Variants in KCNN2 observed in about 807,000 individuals in gnomAD.
KCNN2 encodes the protein potassium calcium-activated channel subfamily N member 2, also known as small conductance calcium-activated potassium channel protein 2.
KCNN2 carries 24 observed loss-of-function variants against 55.5 expected under a neutral mutation model. That is an observed-to-expected ratio of 0.43 (90% CI 0.31 to 0.61). KCNN2 has a LOEUF of 0.61. Among genes scored for constraint, KCNN2 ranks in the 20% least tolerant of loss-of-function variants. The pLI, the probability that KCNN2 is intolerant of heterozygous loss-of-function variation, is 0.08. For synonymous variants in KCNN2, 431 were observed against 336.1 expected (o/e 1.28, Z -3.09); for missense variants, 754 against 853.6 (o/e 0.88, Z 1.45).
chr5:114,130,154 G>C (rs542922397), intron 1 of KCNN2, among the ~76,000 whole-genome samples: 3 of 152,294 alleles, frequency 2.0e-5, no homozygotes, highest in Non-Finnish European at 4.4e-5. Context: ...TTCTGGCATA[G>C]AGTTTAATAA....
chr5:114,422,991 A>G (rs548925463), intron 3 of KCNN2, among the ~76,000 whole-genome samples: 1 of 152,264 alleles, frequency 6.6e-6, no homozygotes, highest in Non-Finnish European at 1.5e-5. Flanking sequence ...GTTAAAACAT[A>G]GAAGTATCCA....
chr5:114,462,723 C>T (rs1313934090), intron 3 of KCNN2, among the ~76,000 whole-genome samples: 1 of 152,198 alleles, frequency 6.6e-6, no homozygotes, highest in African/African-American at 2.4e-5. Context: ...AAGTCTGGCA[C>T]ATCAGCTAGG....
At position 114,334,260 on chromosome 5, in the gene KCNN2, A is replaced by ATGTGTG. The variant is rs56654295; in HGVS notation, c.-184-26641_-184-26636dup. Among the ~76,000 whole-genome samples the ATGTGTG allele has an allele frequency of 1.1e-3, 146 of 138,298 alleles. 1 individual carries two copies. The highest frequency in any genetic ancestry group is 1.3e-3 in the African/African-American group (48 of 36,574). The allele number at this position is 138,298 out of a possible 152,430, so 90.7% of individuals were successfully genotyped here. On this transcript the variant is annotated intron_variant, in intron 2 of 10. Transcript: ENST00000512097. ...ATGTGGAATCTACTCCATATGCCTG[A>ATGTGTG]TGTGTGTGTGTGTGTGTGTGTGTGT...
intron 2 of KCNN2, among the ~76,000 whole-genome samples, chr5:114,299,448 A>G (rs1226961432): frequency 6.6e-6 from 1 of 152,360 alleles, no homozygotes; most frequent in South Asian, 2.1e-4. Flanking sequence ...TTTAAAAACA[A>G]TAAACAAATA....
At chr5:114,474,113 A>C (rs1761868478) in intron 5 of KCNN2, among the ~76,000 whole-genome samples, 1 of 152,206 alleles carries the variant, frequency 6.6e-6, no homozygotes, top group Non-Finnish European at 1.5e-5. Flanking sequence ...GAATCAATAG[A>C]TATTTCAAGC....
At chr5:114,449,835 C>T (rs528016686) in intron 3 of KCNN2, among the ~76,000 whole-genome samples, 71 of 151,440 alleles carry the variant, frequency 4.7e-4, no homozygotes, top group African/African-American at 1.5e-3. Context: ...CTCCTCAGAT[C>T]TGCTACCTTA....
intron 2 of KCNN2, among the ~76,000 whole-genome samples, chr5:114,292,588 A>G (rs1031392734): frequency 7.2e-5 from 11 of 152,136 alleles, no homozygotes; most frequent in African/African-American, 2.7e-4. Flanking sequence ...TATTTTGGTT[A>G]CTGTAGCCTT....
chr5:114,479,716 C>A (rs750724518), intron 5 of KCNN2, among the ~76,000 whole-genome samples: 26 of 152,034 alleles, frequency 1.7e-4, no homozygotes, highest in Non-Finnish European at 3.2e-4. Flanking sequence ...AACACAAGAT[C>A]AAGAATTTCA....
chr5:114,426,089 G>C (rs1759615745), intron 3 of KCNN2, among the ~76,000 whole-genome samples: 1 of 152,024 alleles, frequency 6.6e-6, no homozygotes, highest in Non-Finnish European at 1.5e-5. Flanking sequence ...AGCTGAGGCA[G>C]GAGGGTTGCT....
At chr5:114,259,135 G>C (rs1241047349) in intron 2 of KCNN2, among the ~76,000 whole-genome samples, 1 of 152,224 alleles carries the variant, frequency 6.6e-6, no homozygotes, top group African/African-American at 2.4e-5. Context: ...TCAGCTGGAA[G>C]AGATGCAGCC....
In KCNN2 at chr5:114,389,628, C is replaced by A. The variant is rs549650523; in HGVS notation, c.1219-14810C>A. On this transcript the variant is annotated intron_variant, in intron 2 of 7. Transcript: ENST00000673685. Reference sequence around the variant, plus strand: ...CAGCTTTCAAGTTTCATCCCAAATACCGTGTGAACTGTGAGGTTCTATACA... The same window carrying A: ...CAGCTTTCAAGTTTCATCCCAAATAACGTGTGAACTGTGAGGTTCTATACA... Among the ~76,000 whole-genome samples the A allele has an allele frequency of 2.0e-5, 3 of 152,232 alleles. No homozygotes were observed. In the East Asian group the frequency reaches 5.8e-4, roughly 29 times the overall value.
At chr5:114,206,119 A>T (rs997034661) in intron 1 of KCNN2, among the ~76,000 whole-genome samples, 1 of 152,070 alleles carries the variant, frequency 6.6e-6, no homozygotes, top group Non-Finnish European at 1.5e-5. Context: ...TTTGGTTGTT[A>T]GTTTTTATTT....
intron 3 of KCNN2, among the ~76,000 whole-genome samples, chr5:114,439,585 G>A (rs1760135118): frequency 6.6e-6 from 1 of 152,126 alleles, no homozygotes; most frequent in Non-Finnish European, 1.5e-5. Flanking sequence ...TGTGGCCCAG[G>A]AATCAGGGTT....
chr5:114,355,243 A>G (rs1455657626), intron 2 of KCNN2, among the ~76,000 whole-genome samples: 2 of 152,198 alleles, frequency 1.3e-5, no homozygotes, highest in African/African-American at 4.8e-5. Flanking sequence ...GAATAAGGCA[A>G]ACATAGTAAT....
chr5:114,301,697 T>C (rs1013215959), intron 2 of KCNN2, among the ~76,000 whole-genome samples: 2 of 152,116 alleles, frequency 1.3e-5, no homozygotes, highest in Non-Finnish European at 2.9e-5. Context: ...GGAGTCTGAG[T>C]CCTGGGTAGC....
rs1424939046 is a variant in KCNN2 at position 114,363,192 on chromosome 5, C to G, written c.1053C>G (p.Leu351=). The change falls in exon 1 of 8, where the codon CTC becomes CTG. Residue 351 remains leucine, a synonymous_variant. Transcript: ENST00000673685. Reference sequence around the variant, plus strand: ...GCAAGCGGCTCAGCGACTACGCGCTCATCTTCGGCATGTTCGGCATCGTGG... The same window carrying G: ...GCAAGCGGCTCAGCGACTACGCGCTGATCTTCGGCATGTTCGGCATCGTGG... ...EKRKRLSDYA[L]IFGMFGIVVM... is the part of the protein sequence containing the mutation. 1 of 1,613,308 alleles carries G rather than the reference C, an allele frequency of 6.2e-7. No homozygotes were observed. The highest frequency in any genetic ancestry group is 8.5e-7 in the Non-Finnish European group (1 of 1,180,040).
intron 1 of KCNN2, among the ~76,000 whole-genome samples, chr5:114,124,957 AG>A (rs1250862018): frequency 6.6e-6 from 1 of 152,138 alleles, no homozygotes; most frequent in East Asian, 1.9e-4. Context: ...ACCAGAGGTA[AG>A]CTTTGGAGGA....
At chr5:114,194,683 C>T (rs932552882) in intron 1 of KCNN2, among the ~76,000 whole-genome samples, 8 of 151,976 alleles carry the variant, frequency 5.3e-5, no homozygotes, top group Admixed American at 5.2e-4. Flanking sequence ...TTATTTGCAG[C>T]ATAAACATTT....
chr5:114,357,057 T>C (rs1306650411), intron 2 of KCNN2, among the ~76,000 whole-genome samples: 1 of 152,002 alleles, frequency 6.6e-6, no homozygotes, highest in Admixed American at 6.6e-5. Flanking sequence ...CAGAAAAACA[T>C]TTACTTTGTA....
Sources: allele counts gnomAD v4.1 joint callset (sites outside exome capture counted in the v4.1 genomes callset), GRCh38; gene constraint gnomAD v4.1.1; transcripts MANE v1.5; gene names NCBI Gene and HGNC (gene_info 2026-07-23, HGNC 2026-07-21).